XPR1: variants seen among roughly 807,000 people sequenced by gnomAD.
XPR1 encodes the protein solute carrier family 53 member 1.
Under a neutral mutation model 87.5 loss-of-function variants are expected in XPR1, and 28 were observed. That is an observed-to-expected ratio of 0.32 (90% confidence interval 0.24 to 0.44). The LOEUF (loss-of-function observed/expected upper bound fraction) is 0.44. Among genes scored for constraint, XPR1 ranks in the 20% least tolerant of loss-of-function variants. XPR1 has a pLI of 1.00. For synonymous variants in XPR1, 300 were observed against 306.1 expected (o/e 0.98, Z 0.21); for missense variants, 559 against 862.3 (o/e 0.65, Z 4.41).
intron 2 of XPR1, among the ~76,000 whole-genome samples, chr1:180,753,380 C>T (rs1227610871): frequency 1.3e-5 from 2 of 151,914 alleles, no homozygotes; most frequent in African/African-American, 2.4e-5. Flanking sequence ...GCCTGCGCAA[C>T]GTGGTAAAAC....
chr1:180,715,573 A>G (rs1308827351), intron 2 of XPR1, among the ~76,000 whole-genome samples: 2 of 152,204 alleles, frequency 1.3e-5, no homozygotes, highest in Non-Finnish European at 2.9e-5. Context: ...TCATCAAAAT[A>G]TAGTTCAGAA....
At chr1:180,643,549 A>G (rs1043798817) in intron 1 of XPR1, among the ~76,000 whole-genome samples, 5 of 152,190 alleles carry the variant, frequency 3.3e-5, no homozygotes, top group African/African-American at 7.2e-5. Context: ...AGCAACTCAC[A>G]TATTTGTTGA....
At chr1:180,679,704 T>C (rs1261723784) in intron 1 of XPR1, among the ~76,000 whole-genome samples, 1 of 152,140 alleles carries the variant, frequency 6.6e-6, no homozygotes, top group Non-Finnish European at 1.5e-5. Context: ...AGTGTGGTTT[T>C]GGGGGAAAAA....
At chr1:180,732,747 G>A (rs552405458) in intron 2 of XPR1, among the ~76,000 whole-genome samples, 3 of 152,342 alleles carry the variant, frequency 2.0e-5, no homozygotes, top group Non-Finnish European at 4.4e-5. Flanking sequence ...TCTATAGGCG[G>A]CTTGTGTTAC....
At chr1:180,782,228 A>G (rs1648970007) in intron 2 of XPR1, among the ~76,000 whole-genome samples, 1 of 151,674 alleles carries the variant, frequency 6.6e-6, no homozygotes, top group Non-Finnish European at 1.5e-5. Flanking sequence ...ATTTGTACTT[A>G]TTTATGCTTG....
intron 11 of XPR1, among the ~76,000 whole-genome samples, chr1:180,860,529 A>G (rs1652184221): frequency 6.6e-6 from 1 of 152,172 alleles, no homozygotes; most frequent in African/African-American, 2.4e-5. Context: ...AGAAAAAGAA[A>G]TAAGCCACTG....
At chr1:180,645,210 A>G (rs536430688) in intron 1 of XPR1, among the ~76,000 whole-genome samples, 1 of 152,352 alleles carries the variant, frequency 6.6e-6, no homozygotes, top group Admixed American at 6.5e-5. Flanking sequence ...TTATTCACAA[A>G]TAGATTGCGG....
intron 2 of XPR1, among the ~76,000 whole-genome samples, chr1:180,709,028 C>T (rs887767614): frequency 6.6e-6 from 1 of 151,646 alleles, no homozygotes; most frequent in Non-Finnish European, 1.5e-5. Flanking sequence ...TCTCCTGCCT[C>T]AGCCTCCTGA....
At chr1:180,815,745 C>T (rs979686623) in intron 7 of XPR1, among the ~76,000 whole-genome samples, 1 of 151,938 alleles carries the variant, frequency 6.6e-6, no homozygotes, top group Non-Finnish European at 1.5e-5. Flanking sequence ...CCATATTTCA[C>T]TTACTGGTTT....
At chr1:180,723,487 T>G (rs1010064672) in intron 2 of XPR1, among the ~76,000 whole-genome samples, 4 of 152,208 alleles carry the variant, frequency 2.6e-5, no homozygotes, top group African/African-American at 9.6e-5. Flanking sequence ...AGTAAAACTC[T>G]ACATAAAGAA....
At chr1:180,866,819 T>TTTA (rs1381241522) in intron 12 of XPR1, among the ~76,000 whole-genome samples, 140 of 150,878 alleles carry the variant, frequency 9.3e-4, no homozygotes, top group African/African-American at 3.2e-3. Context: ...TAATTTTTTT[T>TTTA]TTTTTATTAT....
At chr1:180,880,409 C>T (rs1412240730) in intron 14 of XPR1, 112 bp downstream of exon 14, 23 of 1,121,554 alleles carry the variant, frequency 2.1e-5, no homozygotes, top group Non-Finnish European at 2.9e-5. Flanking sequence ...CAATACTCAG[C>T]CATTTTTCAC....
chr1:180,788,835 T>C (rs1285943201), intron 3 of XPR1, among the ~76,000 whole-genome samples: 1 of 152,154 alleles, frequency 6.6e-6, no homozygotes, highest in Non-Finnish European at 1.5e-5. Flanking sequence ...ATAAACCAGG[T>C]ATTAGTGTGA....
intron 1 of XPR1, among the ~76,000 whole-genome samples, chr1:180,634,326 ACTC>A (rs1296557101): frequency 6.6e-6 from 1 of 152,158 alleles, no homozygotes; most frequent in Non-Finnish European, 1.5e-5. Context: ...TCCTAGATAA[ACTC>A]ATTGTTTGGT....
chr1:180,719,559 T>A (rs984479940), intron 2 of XPR1, among the ~76,000 whole-genome samples: 1 of 152,244 alleles, frequency 6.6e-6, no homozygotes, highest in African/African-American at 2.4e-5. Context: ...ATTCTGTTGC[T>A]TTCTGGCTTT....
At chr1:180,793,469 T>C (rs1490606497) in intron 3 of XPR1, among the ~76,000 whole-genome samples, 3 of 150,168 alleles carry the variant, frequency 2.0e-5, no homozygotes, top group Admixed American at 6.6e-5. Context: ...TATGACTTAA[T>C]GGCTGGTTTT....
At chr1:180,661,476 CGTGTGTGTGTGTGTGTGTGT>C (rs60527318) in intron 1 of XPR1, among the ~76,000 whole-genome samples, 8 of 142,468 alleles carry the variant, frequency 5.6e-5, no homozygotes, top group South Asian at 2.3e-4. Context: ...TTTAATTTTT[CGTGTGTGTGTGTGTGTGTGT>C]GTGTGTGTGT....
chr1:180,668,482 C>T (rs1571702762), intron 1 of XPR1, among the ~76,000 whole-genome samples: 1 of 152,072 alleles, frequency 6.6e-6, no homozygotes, highest in East Asian at 1.9e-4. Flanking sequence ...TTTTCTAGTT[C>T]CTTAAGTTGT....
chr1:180,832,169 A>T (rs116688250), intron 9 of XPR1, among the ~76,000 whole-genome samples: 6,548 of 152,176 alleles, frequency 0.043, 503 homozygotes, highest in African/African-American at 0.15. Context: ...TTCTTTCATA[A>T]GTGTGTTGGC....
Sources: allele counts gnomAD v4.1 joint callset (sites outside exome capture counted in the v4.1 genomes callset), GRCh38; gene constraint gnomAD v4.1.1; transcripts MANE v1.5; gene names NCBI Gene and HGNC (gene_info 2026-07-23, HGNC 2026-07-21).